The following PPP2R5E variants were observed in gnomAD, a reference collection of about 807,000 sequenced individuals.
PPP2R5E encodes the protein serine/threonine-protein phosphatase 2A 56 kDa regulatory subunit epsilon isoform.
PPP2R5E carries 4 observed loss-of-function variants against 65.3 expected under a neutral mutation model. The observed-to-expected ratio is 0.06, with a 90% CI of 0.03 to 0.14. PPP2R5E has a LOEUF of 0.14. Among genes scored for constraint, PPP2R5E ranks in the 10% least tolerant of loss-of-function variants. PPP2R5E has a pLI of 1.00. For synonymous variants in PPP2R5E, 183 were observed against 187.4 expected, an observed-to-expected ratio of 0.98 and a Z score of 0.19; for missense variants, 274 against 556.1, an observed-to-expected ratio of 0.49 and a Z score of 5.10.
At chr14:63,477,304 C>T (rs1019259600) in intron 2 of PPP2R5E, among the ~76,000 whole-genome samples, 4 of 152,068 alleles carry the variant, frequency 2.6e-5, no homozygotes, top group Admixed American at 1.3e-4. Flanking sequence ...TTATTGAGTA[C>T]TCAATACATT....
chr14:63,496,884 G>GT (rs201649056), intron 2 of PPP2R5E, among the ~76,000 whole-genome samples: 4,741 of 145,002 alleles, frequency 0.033, 224 homozygotes, highest in African/African-American at 0.11. Flanking sequence ...TGGGTACACA[G>GT]TTTAAAAAAA....
chr14:63,405,299 G>C (rs549708486), intron 5 of PPP2R5E, among the ~76,000 whole-genome samples: 1 of 152,188 alleles, frequency 6.6e-6, no homozygotes, highest in Non-Finnish European at 1.5e-5. Flanking sequence ...TTGGAAAATA[G>C]TTCTTTGTAT....
intron 2 of PPP2R5E, among the ~76,000 whole-genome samples, chr14:63,515,754 T>C (rs1009415239): frequency 2.6e-5 from 4 of 151,678 alleles, no homozygotes; most frequent in Non-Finnish European, 4.4e-5. Flanking sequence ...CTCCTGACCT[T>C]GTGATCCACC....
At position 63,465,471 on chromosome 14, in the gene PPP2R5E, AAAC is replaced by A. The variant is rs1566723084; in HGVS notation, c.158-11589_158-11587del. ...TCTACAAAAAAAAAAAAAAAAAAAA[AAAC>A]AACAACTAACAAAAGATTAGCCAGG... On this transcript the variant is annotated intron_variant, in intron 2 of 13. Transcript: ENST00000337537. Among the ~76,000 whole-genome samples, 15 of 78,344 alleles carry A rather than the reference AAAC, an allele frequency of 1.9e-4. 1 individual carries two copies. The highest frequency in any genetic ancestry group is 7.3e-4 in the African/African-American group (7 of 9,638). 51.4% of individuals were successfully genotyped at this position (78,344 alleles called of 152,430 possible).
chr14:63,466,455 T>A (rs1477920809), intron 2 of PPP2R5E, among the ~76,000 whole-genome samples: 3 of 152,066 alleles, frequency 2.0e-5, no homozygotes, highest in African/African-American at 7.2e-5. Flanking sequence ...AATTTATAAT[T>A]AAAGTCATAA....
intron 4 of PPP2R5E, among the ~76,000 whole-genome samples, chr14:63,418,537 G>A (rs1216549595): frequency 6.6e-6 from 1 of 152,250 alleles, no homozygotes; most frequent in East Asian, 1.9e-4. Flanking sequence ...ACTTTTCAAG[G>A]TTACATAAAT....
chr14:63,512,140 C>T (rs1892488460), intron 2 of PPP2R5E, among the ~76,000 whole-genome samples: 1 of 147,630 alleles, frequency 6.8e-6, no homozygotes, highest in Non-Finnish European at 1.5e-5. Flanking sequence ...GATTTCACAC[C>T]AATACAATGT....
At chr14:63,512,909 G>A (rs886086297) in intron 2 of PPP2R5E, among the ~76,000 whole-genome samples, 7 of 151,980 alleles carry the variant, frequency 4.6e-5, no homozygotes, top group African/African-American at 1.7e-4. Context: ...CAACTAGTAT[G>A]AAGATGGCTT....
intron 2 of PPP2R5E, among the ~76,000 whole-genome samples, chr14:63,499,367 A>G (rs1339047708): frequency 6.6e-6 from 1 of 152,240 alleles, no homozygotes; most frequent in African/African-American, 2.4e-5. Flanking sequence ...TGAGAAAAAG[A>G]GCAGCAAAAA....
chr14:63,521,024 G>A (rs1354561118), intron 2 of PPP2R5E, among the ~76,000 whole-genome samples: 3 of 151,908 alleles, frequency 2.0e-5, no homozygotes, highest in Non-Finnish European at 4.4e-5. Context: ...GGGCAACAGA[G>A]TGAGACTCTG....
chr14:63,449,872 A>ATTTT (rs35931655), intron 3 of PPP2R5E, among the ~76,000 whole-genome samples: 29 of 105,398 alleles, frequency 2.8e-4, no homozygotes, highest in African/African-American at 7.5e-4. Context: ...TTCTTTTCCT[A>ATTTT]TTTTTTTTTT....
intron 2 of PPP2R5E, chr14:63,479,531 G>A (rs1890584838): frequency 6.6e-6 from 1 of 152,092 alleles, no homozygotes; most frequent in Non-Finnish European, 1.5e-5. Context: ...TGAACTGACT[G>A]GTTTGTTTGT....
intron 2 of PPP2R5E, among the ~76,000 whole-genome samples, chr14:63,487,198 C>G (rs1159499261): frequency 1.3e-5 from 2 of 152,178 alleles, no homozygotes; most frequent in Non-Finnish European, 2.9e-5. Context: ...AAACCAGTAT[C>G]CTAGTATTTT....
At chr14:63,474,852 G>A (rs1308866055) in intron 2 of PPP2R5E, among the ~76,000 whole-genome samples, 5 of 152,148 alleles carry the variant, frequency 3.3e-5, no homozygotes, top group Non-Finnish European at 7.3e-5. Context: ...TGCAGAAAGT[G>A]AAGCAGAAGG....
intron 3 of PPP2R5E, among the ~76,000 whole-genome samples, chr14:63,433,101 G>C (rs1341696804): frequency 6.9e-6 from 1 of 145,572 alleles, no homozygotes; most frequent in Non-Finnish European, 1.5e-5. Flanking sequence ...GCAGTGGTGC[G>C]ATTACAGCTC....
At chr14:63,529,977 A>G (rs943935953) in intron 2 of PPP2R5E, among the ~76,000 whole-genome samples, 2 of 152,204 alleles carry the variant, frequency 1.3e-5, no homozygotes, top group African/African-American at 4.8e-5. Flanking sequence ...CACGATACTC[A>G]GAAAATAGTA....
At chr14:63,398,644 G>A (rs1301124187) in intron 5 of PPP2R5E, among the ~76,000 whole-genome samples, 2 of 152,142 alleles carry the variant, frequency 1.3e-5, no homozygotes, top group African/African-American at 4.8e-5. Context: ...ACAAAAATTA[G>A]CCAGGCGTGC....
chr14:63,455,188 G>T (rs1889051697), intron 2 of PPP2R5E, among the ~76,000 whole-genome samples: 1 of 152,106 alleles, frequency 6.6e-6, no homozygotes, highest in African/African-American at 2.4e-5. Flanking sequence ...GGAAGTGAAG[G>T]CCAGCCTCAT....
chr14:63,473,259 G>A (rs7140763), intron 2 of PPP2R5E, among the ~76,000 whole-genome samples: 49,790 of 152,020 alleles, frequency 0.33, 10,867 homozygotes, highest in African/African-American at 0.62. Context: ...CTCGAAATAG[G>A]ACTGGAAACA....
Sources: allele counts gnomAD v4.1 joint callset (sites outside exome capture counted in the v4.1 genomes callset), GRCh38; gene constraint gnomAD v4.1.1; transcripts MANE v1.5; gene names NCBI Gene and HGNC (gene_info 2026-07-23, HGNC 2026-07-21).